The following MRPS15 variants were observed in gnomAD, a reference collection of about 807,000 sequenced individuals.
The protein encoded by MRPS15 is small ribosomal subunit protein uS15m.
A neutral mutation model predicts 30.7 loss-of-function variants in MRPS15; 25 were observed. That is an observed-to-expected ratio of 0.81 (90% CI 0.59 to 1.14). The LOEUF (loss-of-function observed/expected upper bound fraction) is 1.14. Among genes scored for constraint, MRPS15 ranks in the 50% most tolerant of loss-of-function variants. The probability of loss-of-function intolerance (pLI) is 0.00; values close to 1 mark genes in which losing one functional copy is unlikely to be tolerated. For synonymous variants in MRPS15, 124 were observed against 120.1 expected, an observed-to-expected ratio of 1.03 and a Z score of -0.21; for missense variants, 313 against 321.7, an observed-to-expected ratio of 0.97 and a Z score of 0.21.
chr1:36,456,941 C>T (rs1263931644), intron 6 of MRPS15, among the ~76,000 whole-genome samples: 5 of 152,216 alleles, frequency 3.3e-5, no homozygotes, highest in Admixed American at 6.5e-5. Context: ...TGCCTAATTA[C>T]AGCAGCTCTG....
intron 4 of MRPS15, 76 bp from the exon 5 acceptor site, chr1:36,460,852 C>T: frequency 2.4e-6 from 3 of 1,230,506 alleles, no homozygotes; most frequent in Non-Finnish European, 3.6e-6. Flanking sequence ...CCCCAAGGGC[C>T]CTGGCTACAG....
Position 36,464,164 on chromosome 1 carries a change from A to G in MRPS15, c.112T>C (p.Trp38Arg), listed in dbSNP as rs751177072. 3.2e-5 allele frequency: 52 copies of G among 1,613,356 alleles called. 1 individual carries two copies. In the South Asian group the frequency reaches 4.7e-4, roughly 15 times the overall value. ...TCCTCACTTCGAGGCTGCAGGCCCC[A>G]CTGGTTGAAAGGAAACTTGGCGCTC... is the stretch of plus-strand genomic sequence containing the variant. ...GGSAKFPFNQWGLQPRSLLLQ... is the reference protein window; with the variant it reads ...GGSAKFPFNQRGLQPRSLLLQ... The change falls in exon 1 of 8, where the codon TGG (tryptophan) becomes CGG (arginine). Residue 38 changes from tryptophan to arginine, a missense_variant. By Grantham distance (101) the Trp-to-Arg change is moderately radical. Transcript: ENST00000373116.
chr1:36,464,024 C>A (rs1650154761), intron 1 of MRPS15, 122 bp downstream of exon 1: 1 of 1,372,384 alleles, frequency 7.3e-7, no homozygotes, highest in Admixed American at 2.2e-5. Flanking sequence ...TCTTGCGCAA[C>A]CACCGCCCTT....
In MRPS15 at chr1:36,460,760, A is replaced by T. The variant is rs772840803; in HGVS notation, c.317T>A (p.Ile106Asn). The T allele has an allele frequency of 6.2e-7, 1 of 1,613,984 alleles. No individual in the cohort carries two copies. Among genetic ancestry groups the T allele is most frequent in the Admixed American group, 1.7e-5 (1 of 60,014 alleles). ...EMANKKEMLKIKQEQFMKKIV... is the reference protein window; with the variant it reads ...EMANKKEMLKNKQEQFMKKIV... ...CTTCTTCATAAACTGTTCTTGCTTG[A>T]TTTTTAGCATCTCCTTCTGTTGAAG... Residue 106 changes from isoleucine (I) to asparagine (N), a missense_variant, in exon 5 of 8, where the codon ATC becomes AAC. Coordinates refer to ENST00000373116, the MANE Select transcript of MRPS15 (RefSeq NM_031280.4).
intron 2 of MRPS15, among the ~76,000 whole-genome samples, chr1:36,463,243 A>G (rs906547489): frequency 6.6e-6 from 1 of 152,270 alleles, no homozygotes. Flanking sequence ...TTGGGATTAC[A>G]GGCGTAAGCC....
chr1:36,459,469 T>A (rs1650055760), intron 5 of MRPS15: 1 of 150,676 alleles, frequency 6.6e-6, no homozygotes, highest in Admixed American at 6.6e-5. Context: ...ACCTTGCCAG[T>A]CCAGGCCATT....
rs769535172 is a variant in MRPS15, at chr1:36,455,871, C to G, written c.691G>C (p.Ala231Pro). 3 of 1,614,044 alleles carry G rather than the reference C, an allele frequency of 1.9e-6. No individual in the cohort carries two copies. Among genetic ancestry groups the G allele is most frequent in the Admixed American group, 3.3e-5 (2 of 60,000 alleles). The change falls in exon 8 of 8, where the codon GCA (alanine) becomes CCA (proline). Residue 231 changes from alanine (A) to proline (P), a missense_variant. Transcript: ENST00000373116. ...KKRRRALKAA[A>P]AAQKQAKRRN... Reference sequence around the variant, plus strand: ...CGCTTTGCTTGTTTTTGGGCTGCTGCTGCAGCCTTTAAGGCTCTTCTTCGC... The same window carrying G: ...CGCTTTGCTTGTTTTTGGGCTGCTGGTGCAGCCTTTAAGGCTCTTCTTCGC...
At chr1:36,456,025 C>G in intron 7 of MRPS15, 100 bp from the exon 8 acceptor site, 1 of 1,519,078 alleles carries the variant, frequency 6.6e-7, no homozygotes, top group Non-Finnish European at 8.8e-7. Flanking sequence ...ATGGTAACCC[C>G]AGCCTTTCTC....
rs1174492151 is a variant in MRPS15 at position 36,457,783 on chromosome 1, G to A, written c.444+140C>T. On this transcript the variant is annotated intron_variant, in intron 6 of 7. Transcript: ENST00000373116. Reference sequence around the variant, plus strand: ...GGTGACACTCAGCATGGCCTTGTAAGGCTCCAAGTCCTCTGGAGGCAGGAG... The same window carrying A: ...GGTGACACTCAGCATGGCCTTGTAAAGCTCCAAGTCCTCTGGAGGCAGGAG... 8 of 746,436 alleles carry A rather than the reference G, an allele frequency of 1.1e-5. No homozygotes were observed. In the East Asian group the frequency reaches 2.0e-4, roughly 19 times the overall value. 46.2% of individuals were successfully genotyped at this position (746,436 alleles called of 1,614,324 possible).
Position 36,461,965 on chromosome 1 carries a change from C to T in MRPS15, c.251+123G>A, listed in dbSNP as rs563974412. The T allele has an allele frequency of 2.7e-3, 2,242 of 817,166 alleles. 10 individuals carry two copies. Among genetic ancestry groups the T allele is most frequent in the Non-Finnish European group, 2.1e-3 (1,053 of 509,458 alleles). 50.6% of individuals were successfully genotyped at this position (817,166 alleles called of 1,614,324 possible). ...TCACCACACCTGGACACCTGGGCCC[C>T]TGCCTCCTTCTAGATCAAGCTTCAG... is the stretch of plus-strand genomic sequence containing the variant. On this transcript the variant is annotated intron_variant, in intron 3 of 7. Transcript: ENST00000373116.
At chr1:36,460,369 G>C (rs937186180) in intron 5 of MRPS15, among the ~76,000 whole-genome samples, 2 of 152,096 alleles carry the variant, frequency 1.3e-5, no homozygotes, top group African/African-American at 2.4e-5. Context: ...ACATCCCCTA[G>C]CTGCCTCTCA....
rs1185618917 is a variant in MRPS15, at chr1:36,461,230, T to TGC, written c.300+32_300+33dup. ...AGAAGGGAGTCCCAGAGGAGAAGAC[T>TGC]GCGGGAGGCTGAGGCTTGGCAGAGG... On this transcript the variant is annotated intron_variant, in intron 4 of 7. Transcript: ENST00000373116. 3 of 1,612,316 alleles carry TGC rather than the reference T, an allele frequency of 1.9e-6. No homozygotes were observed. In the African/African-American group the frequency reaches 4.0e-5, roughly 22 times the overall value.
At chr1:36,462,842 T>C (rs1650123986) in intron 2 of MRPS15, among the ~76,000 whole-genome samples, 1 of 152,240 alleles carries the variant, frequency 6.6e-6, no homozygotes, top group Admixed American at 6.5e-5. Flanking sequence ...ATTCTACTTA[T>C]TTTATTTTTT....
chr1:36,457,838 C>G, intron 6 of MRPS15, 85 bp downstream of exon 6: 1 of 1,355,392 alleles, frequency 7.4e-7, no homozygotes, highest in Non-Finnish European at 1.1e-6. Flanking sequence ...TCTAAGCCTC[C>G]TTCTCTGGAC....
At chr1:36,463,750 C>G in intron 2 of MRPS15, 56 bp downstream of exon 2, 1 of 1,577,790 alleles carries the variant, frequency 6.3e-7, no homozygotes, top group Non-Finnish European at 8.6e-7. Context: ...CCTTACCCAC[C>G]CCAGCCTTCC....
chr1:36,462,219 C>T (rs1434428045), intron 2 of MRPS15, 56 bp from the exon 3 acceptor site: 2 of 1,359,278 alleles, frequency 1.5e-6, no homozygotes, highest in African/African-American at 2.9e-5. Flanking sequence ...GCTGCCCACC[C>T]TCCCAGACCT....
At chr1:36,464,094 T>C in intron 1 of MRPS15, 52 bp downstream of exon 1, 1 of 1,398,742 alleles carries the variant, frequency 7.1e-7, no homozygotes, top group Non-Finnish European at 9.7e-7. Flanking sequence ...ATTCCCTATC[T>C]TCGCCGAACC....
intron 6 of MRPS15, among the ~76,000 whole-genome samples, chr1:36,457,179 G>A (rs1650007406): frequency 6.6e-6 from 1 of 152,096 alleles, no homozygotes; most frequent in Non-Finnish European, 1.5e-5. Context: ...AGGAGGCTGA[G>A]GCAGGAGAGT....
intron 5 of MRPS15, among the ~76,000 whole-genome samples, chr1:36,460,145 C>A (rs1229239804): frequency 6.6e-6 from 1 of 152,188 alleles, no homozygotes. Context: ...GTAGCTAGGA[C>A]TACAGGCGCC....
Sources: allele counts gnomAD v4.1 joint callset (sites outside exome capture counted in the v4.1 genomes callset), GRCh38; gene constraint gnomAD v4.1.1; transcripts MANE v1.5; gene names NCBI Gene and HGNC (gene_info 2026-07-23, HGNC 2026-07-21).